The following CACNA2D2 variants were observed in gnomAD, a reference collection of about 807,000 sequenced individuals.
The protein encoded by CACNA2D2 is calcium voltage-gated channel auxiliary subunit alpha2delta 2.
CACNA2D2 carries 48 observed loss-of-function variants against 166.4 expected under a neutral mutation model. The ratio of observed to expected loss-of-function variants is 0.29; its 90% confidence interval spans 0.23 to 0.37. CACNA2D2 has a LOEUF of 0.37. Ranked by LOEUF, CACNA2D2 falls within the 10% of genes least tolerant of loss-of-function variation. The pLI is 1.00. For synonymous variants in CACNA2D2, 561 were observed against 573.7 expected, an observed-to-expected ratio of 0.98 and a Z score of 0.32; for missense variants, 1,122 against 1,433.0, an observed-to-expected ratio of 0.78 and a Z score of 3.50.
chr3:50,449,609 C>T (rs1432645029), intron 2 of CACNA2D2, among the ~76,000 whole-genome samples: 1 of 152,150 alleles, frequency 6.6e-6, no homozygotes, highest in Non-Finnish European at 1.5e-5. Context: ...AAAAACAAGC[C>T]CAGCCAAGAA....
chr3:50,438,462 G>C (rs776267721), intron 2 of CACNA2D2, among the ~76,000 whole-genome samples: 1 of 152,126 alleles, frequency 6.6e-6, no homozygotes, highest in Non-Finnish European at 1.5e-5. Flanking sequence ...TAGAAGCCCC[G>C]AACCCTCTGC....
At chr3:50,402,048 A>G (rs1298656551) in intron 3 of CACNA2D2, among the ~76,000 whole-genome samples, 1 of 152,244 alleles carries the variant, frequency 6.6e-6, no homozygotes, top group Non-Finnish European at 1.5e-5. Context: ...GAGGAAGGCC[A>G]TGAGCTCTGG....
chr3:50,405,232 G>T (rs1706645986), intron 3 of CACNA2D2, among the ~76,000 whole-genome samples: 1 of 152,210 alleles, frequency 6.6e-6, no homozygotes, highest in South Asian at 2.1e-4. Flanking sequence ...CACTGGTTGG[G>T]CTGGGGGTGG....
rs1282333383 is a variant in CACNA2D2 at position 50,366,482 on chromosome 3, C to CCACA, written c.2637+92_2637+95dup. On this transcript the variant is annotated intron_variant, in intron 30 of 37. Transcript: ENST00000424201. This position sits in a 1 kb window ranked among gnomAD's most constrained non-coding sequence, Gnocchi z 5.9. ...GAAGTCAGGGTGGGGATGTTGAGAC[C>CCACA]CACAGGCCAAGGGATGTGCTGGGAG... 28 of 1,503,396 alleles carry CCACA rather than the reference C, an allele frequency of 1.9e-5. No homozygotes were observed. Among genetic ancestry groups the CCACA allele is most frequent in the Non-Finnish European group, 2.5e-5 (27 of 1,080,008 alleles). The allele number at this position is 1,503,396 out of a possible 1,614,324, so 93.1% of individuals were successfully genotyped here.
At chr3:50,466,533 T>C (rs1709835858) in intron 2 of CACNA2D2, among the ~76,000 whole-genome samples, 1 of 152,170 alleles carries the variant, frequency 6.6e-6, no homozygotes, top group South Asian at 2.1e-4. Context: ...GCTCACATGT[T>C]ACTTACAGCA....
chr3:50,483,237 G>A (rs1698128433), intron 1 of CACNA2D2, among the ~76,000 whole-genome samples: 1 of 152,088 alleles, frequency 6.6e-6, no homozygotes, highest in African/African-American at 2.4e-5. Flanking sequence ...ATGCCTCCAG[G>A]AGCACCGTCC....
At chr3:50,465,515 T>TTTTC (rs1709793248) in intron 2 of CACNA2D2, among the ~76,000 whole-genome samples, 1 of 152,142 alleles carries the variant, frequency 6.6e-6, no homozygotes, top group Non-Finnish European at 1.5e-5. Context: ...ACCCAGACTC[T>TTTTC]AAGACTCAGG....
rs770277546 is a variant in CACNA2D2, at chr3:50,366,066, GCTGC to G, written c.2803_2806del (p.Ala935ProfsTer73). The G allele has an allele frequency of 6.2e-7, 1 of 1,613,760 alleles. No individual in the cohort carries two copies. Among genetic ancestry groups the G allele is most frequent in the Admixed American group, 1.7e-5 (1 of 60,020 alleles). On this transcript the variant is annotated frameshift_variant, in exon 32 of 38. Coordinates refer to ENST00000424201, the MANE Select transcript of CACNA2D2 (RefSeq NM_006030.4). LOFTEE classifies it high-confidence loss of function. This position sits in a 1 kb window ranked among gnomAD's most constrained non-coding sequence, Gnocchi z 5.9. ...GTTGCCAGGGGGCTGAGGGGCACAG[GCTGC>G]CTGATAGTCATAGGACTCCTTGCGG...
rs771379215 is a variant in CACNA2D2, at chr3:50,367,828, C to G, written c.2218G>C (p.Asp740His). The G allele has an allele frequency of 1.2e-6, 2 of 1,613,614 alleles. No individual in the cohort carries two copies. Among genetic ancestry groups the G allele is most frequent in the Non-Finnish European group, 1.7e-6 (2 of 1,179,852 alleles). Reference protein sequence around the residue: ...TQQLVERVWRDQDLNTYSLLA... With the variant: ...TQQLVERVWRHQDLNTYSLLA... ...GATGCCTACGTGTTGAGATCCTGGT[C>G]CCTCCACACACGCTCTACCAGCTGC... Residue 740 changes from aspartate to histidine, a missense_variant, in exon 25 of 38, where the codon GAC (aspartate) becomes CAC (histidine). Coordinates refer to ENST00000424201, the MANE Select transcript of CACNA2D2 (RefSeq NM_006030.4). This position sits in a 1 kb window ranked among gnomAD's most constrained non-coding sequence, Gnocchi z 6.5.
At chr3:50,429,243 C>T (rs1381936364) in intron 3 of CACNA2D2, among the ~76,000 whole-genome samples, 1 of 151,960 alleles carries the variant, frequency 6.6e-6, no homozygotes, top group African/African-American at 2.4e-5. Flanking sequence ...AATAAATAAA[C>T]CCTGGTTTTG....
intron 2 of CACNA2D2, among the ~76,000 whole-genome samples, chr3:50,467,464 C>T (rs139546547): frequency 5.3e-5 from 8 of 152,276 alleles, no homozygotes; most frequent in South Asian, 2.1e-4. Flanking sequence ...AGAGCACTGC[C>T]GCTTTGCTTC....
intron 3 of CACNA2D2, among the ~76,000 whole-genome samples, chr3:50,412,898 G>T (rs1707088067): frequency 6.6e-6 from 1 of 152,200 alleles, no homozygotes; most frequent in African/African-American, 2.4e-5. Flanking sequence ...CAGCCTGGGG[G>T]GGTGCTGGGC....
chr3:50,367,628 G>C lies in CACNA2D2; in HGVS notation c.2297+14C>G. ...GGCAGGGGCAGGGTTTGGGTAGTGG[G>C]ATAGGTCACTTACTTGTTGGGGAAG... On this transcript the variant is annotated intron_variant, in intron 26 of 37. Transcript: ENST00000424201. This position sits in a 1 kb window ranked among gnomAD's most constrained non-coding sequence, Gnocchi z 6.5. 1 of 1,611,230 alleles carries C rather than the reference G, an allele frequency of 6.2e-7. No individual in the cohort carries two copies. Among genetic ancestry groups the C allele is most frequent in the East Asian group, 2.2e-5 (1 of 44,792 alleles).
In CACNA2D2 at chr3:50,379,356, G is replaced by C; in HGVS notation, c.1152+76C>G. The C allele has an allele frequency of 6.4e-7, 1 of 1,562,066 alleles. No individual in the cohort carries two copies. Among genetic ancestry groups the C allele is most frequent in the Non-Finnish European group, 8.8e-7 (1 of 1,142,674 alleles). Reference sequence around the variant, plus strand: ...CTGTTTGGTGCTAACGAGGCCATCCGTCTTGATTTCCTGGGTACACCAAGC... The same window carrying C: ...CTGTTTGGTGCTAACGAGGCCATCCCTCTTGATTTCCTGGGTACACCAAGC... On this transcript the variant is annotated intron_variant, in intron 11 of 37. Transcript: ENST00000424201. The surrounding 1 kb of genome is among the most constrained non-coding windows in gnomAD (Gnocchi z 6.5).
chr3:50,460,746 CG>C (rs1293048204), intron 2 of CACNA2D2, among the ~76,000 whole-genome samples: 3 of 151,530 alleles, frequency 2.0e-5, no homozygotes, highest in African/African-American at 7.3e-5. Flanking sequence ...CCCAGCTACT[CG>C]GGGGGCTGAG....
Position 50,376,620 on chromosome 3 carries a change from A to G in CACNA2D2, c.1627-432T>C, listed in dbSNP as rs955791008. 6.6e-6 allele frequency among the ~76,000 whole-genome samples: 1 copy of G among 151,996 alleles called. No homozygotes were observed. The highest frequency in any genetic ancestry group is 1.5e-5 in the Non-Finnish European group (1 of 67,980). On this transcript the variant is annotated intron_variant, in intron 17 of 37. Coordinates refer to ENST00000424201, the MANE Select transcript of CACNA2D2 (RefSeq NM_006030.4). The surrounding 1 kb of genome is among the most constrained non-coding windows in gnomAD (Gnocchi z 4.3). The stretch of plus-strand genomic sequence containing the variant: ...GGACGAGTGGACCCTTCGGAATCCT[A>G]CCTGGGGCTTCCCTTCCAGGTGGAA...
intron 1 of CACNA2D2, among the ~76,000 whole-genome samples, chr3:50,488,845 G>A (rs1238026041): frequency 6.6e-6 from 1 of 151,696 alleles, no homozygotes; most frequent in East Asian, 1.9e-4. Flanking sequence ...GACTACGGGC[G>A]CCCACCACCA....
intron 2 of CACNA2D2, among the ~76,000 whole-genome samples, chr3:50,463,353 G>A (rs1359676926): frequency 4.6e-5 from 7 of 151,392 alleles, no homozygotes; most frequent in African/African-American, 9.7e-5. Flanking sequence ...TCAGACTGGC[G>A]TGCAGAGGCA....
intron 3 of CACNA2D2, among the ~76,000 whole-genome samples, chr3:50,401,531 G>C (rs1270883143): frequency 6.6e-6 from 1 of 152,150 alleles, no homozygotes; most frequent in Non-Finnish European, 1.5e-5. Context: ...GACCAGCCAG[G>C]GTGGGGAGCC....
Sources: allele counts gnomAD v4.1 joint callset (sites outside exome capture counted in the v4.1 genomes callset), GRCh38; gene constraint gnomAD v4.1.1; non-coding constraint Gnocchi (gnomAD v3.1); transcripts MANE v1.5; gene names NCBI Gene and HGNC (gene_info 2026-07-23, HGNC 2026-07-21).